TTC7B: variants seen among roughly 807,000 people sequenced by gnomAD.
TTC7B encodes the protein tetratricopeptide repeat protein 7B.
TTC7B carries 28 observed loss-of-function variants against 106.8 expected under a neutral mutation model. The ratio of observed to expected loss-of-function variants is 0.26; its 90% CI spans 0.19 to 0.36. The LOEUF (loss-of-function observed/expected upper bound fraction) is 0.36. Ranked by LOEUF, TTC7B falls within the 10% of genes least tolerant of loss-of-function variation. The pLI is 1.00. For synonymous variants in TTC7B, 405 were observed against 430.6 expected (o/e 0.94, Z 0.74); for missense variants, 862 against 1,076.4 (o/e 0.80, Z 2.79).
At chr14:90,630,292 C>T (rs1217114189) in intron 15 of TTC7B, among the ~76,000 whole-genome samples, 1 of 152,072 alleles carries the variant, frequency 6.6e-6, no homozygotes, top group Non-Finnish European at 1.5e-5. Context: ...GACATCCATG[C>T]GCGTGGGGTG....
At chr14:90,777,311 A>C (rs535314095) in intron 3 of TTC7B, among the ~76,000 whole-genome samples, 1 of 152,244 alleles carries the variant, frequency 6.6e-6, no homozygotes, top group East Asian at 1.9e-4. Flanking sequence ...GCACGCAGGA[A>C]TCTCTCAGTA....
intron 19 of TTC7B, among the ~76,000 whole-genome samples, chr14:90,547,470 C>T (rs1419460050): frequency 1.3e-5 from 2 of 152,228 alleles, no homozygotes; most frequent in African/African-American, 4.8e-5. Context: ...CCGGCCTGCA[C>T]TATCCTCTGA....
chr14:90,546,047 G>A (rs1193781068), intron 19 of TTC7B, among the ~76,000 whole-genome samples: 1 of 152,220 alleles, frequency 6.6e-6, no homozygotes, highest in East Asian at 1.9e-4. Flanking sequence ...GCCAGCTCAG[G>A]CTTGGCACAG....
intron 15 of TTC7B, among the ~76,000 whole-genome samples, chr14:90,627,119 C>T (rs554197283): frequency 6.6e-6 from 1 of 152,152 alleles, no homozygotes; most frequent in South Asian, 2.1e-4. Flanking sequence ...GTGGCAGGGA[C>T]TGCAGGCATG....
chr14:90,682,782 C>A (rs1405388176), intron 7 of TTC7B, among the ~76,000 whole-genome samples: 2 of 152,176 alleles, frequency 1.3e-5, no homozygotes, highest in African/African-American at 4.8e-5. Flanking sequence ...CAAGAGCTGG[C>A]AGGCTGGCAA....
chr14:90,696,843 A>C (rs576253536), intron 5 of TTC7B, among the ~76,000 whole-genome samples: 52 of 152,364 alleles, frequency 3.4e-4, no homozygotes, highest in African/African-American at 1.2e-3. Context: ...AACCTAACAG[A>C]GACGTGAATA....
chr14:90,681,267 G>A (rs1887037363), intron 7 of TTC7B, among the ~76,000 whole-genome samples: 1 of 152,066 alleles, frequency 6.6e-6, no homozygotes, highest in Non-Finnish European at 1.5e-5. Flanking sequence ...TAAAGCTCTA[G>A]AATCCTTTGA....
At chr14:90,664,057 T>C (rs1353731613) in intron 9 of TTC7B, among the ~76,000 whole-genome samples, 1 of 152,052 alleles carries the variant, frequency 6.6e-6, no homozygotes, top group Non-Finnish European at 1.5e-5. Flanking sequence ...GCCAAAAAAA[T>C]GCACCCATGG....
chr14:90,635,272 A>G (rs931438247), intron 15 of TTC7B, among the ~76,000 whole-genome samples: 8 of 151,668 alleles, frequency 5.3e-5, no homozygotes, highest in African/African-American at 2.0e-4. Context: ...ATATTAGCAG[A>G]GAAAAAATGT....
intron 2 of TTC7B, among the ~76,000 whole-genome samples, chr14:90,781,795 C>G (rs1185517229): frequency 6.6e-6 from 1 of 152,190 alleles, no homozygotes; most frequent in Admixed American, 6.5e-5. Context: ...GCTGGAAGTT[C>G]TCTGTGGGCC....
At chr14:90,760,986 G>C (rs904720995) in intron 3 of TTC7B, among the ~76,000 whole-genome samples, 2 of 152,178 alleles carry the variant, frequency 1.3e-5, no homozygotes, top group Non-Finnish European at 2.9e-5. Context: ...TCCTTCTCCT[G>C]AAATCGCCTT....
intron 19 of TTC7B, among the ~76,000 whole-genome samples, chr14:90,565,551 G>A (rs540677738): frequency 1.2e-3 from 175 of 151,988 alleles, no homozygotes; most frequent in Non-Finnish European, 2.0e-3. Flanking sequence ...ACAGGCATGC[G>A]CCACCATGCC....
intron 19 of TTC7B, among the ~76,000 whole-genome samples, chr14:90,566,587 A>C (rs779849017): frequency 6.6e-6 from 1 of 152,202 alleles, no homozygotes; most frequent in Non-Finnish European, 1.5e-5. Context: ...GTATTTTAAG[A>C]GACAGTTGTT....
chr14:90,766,868 G>A (rs921788540), intron 3 of TTC7B: 9 of 1,596,268 alleles, frequency 5.6e-6, no homozygotes, highest in South Asian at 1.1e-5. Context: ...GACCTGGAGC[G>A]ACTGAAGAAG....
chr14:90,797,520 G>A (rs1021126662), intron 1 of TTC7B, among the ~76,000 whole-genome samples: 4 of 151,540 alleles, frequency 2.6e-5, no homozygotes, highest in African/African-American at 9.7e-5. Flanking sequence ...TGGGCTTCCT[G>A]TAATCCCGGG....
chr14:90,541,118 T>C lies in TTC7B; in HGVS notation c.*250A>G, dbSNP rs1889558428. On this transcript the variant is annotated 3_prime_UTR_variant, in exon 20 of 20. Coordinates refer to ENST00000328459, the MANE Select transcript of TTC7B (RefSeq NM_001010854.2). ...AACTCAGATGTCAACTAACAAAATA[T>C]GGCACATGATCCATTTTGAACAATG... The C allele has an allele frequency of 1.2e-5, 5 of 413,084 alleles. No homozygotes were observed. Among genetic ancestry groups the C allele is most frequent in the Admixed American group, 8.2e-5 (2 of 24,366 alleles). The allele number at this position is 413,084 out of a possible 1,614,324, so 25.6% of individuals were successfully genotyped here. A position where few individuals can be genotyped will look rare whatever the true frequency, so the allele number is the denominator to read the frequency against.
At chr14:90,814,782 G>A (rs1299377672) in intron 1 of TTC7B, among the ~76,000 whole-genome samples, 4 of 152,098 alleles carry the variant, frequency 2.6e-5, no homozygotes, top group Admixed American at 1.3e-4. Context: ...TGGGGCCCAG[G>A]GCACTGAACA....
intron 5 of TTC7B, chr14:90,698,325 C>A (rs1887845495): frequency 6.6e-6 from 1 of 152,138 alleles, no homozygotes; most frequent in African/African-American, 2.4e-5. Context: ...GAGAGGCAAA[C>A]AAAACCCACA....
chr14:90,782,959 G>T (rs1566885825), intron 2 of TTC7B, among the ~76,000 whole-genome samples: 1 of 152,112 alleles, frequency 6.6e-6, no homozygotes, highest in Non-Finnish European at 1.5e-5. Context: ...AAAAAAAAAG[G>T]TTAACAAAAG....
Sources: gnomAD v4.1 joint callset for allele counts (sites outside exome capture counted in the v4.1 genomes callset) on GRCh38, gnomAD v4.1.1 for gene constraint, MANE v1.5 for transcripts, NCBI Gene and HGNC (gene_info 2026-07-23, HGNC 2026-07-21) for gene names.